Variants in FRYL observed in about 807,000 individuals in gnomAD.
FRYL encodes FRY like transcription coactivator, also known as protein furry homolog-like.
Under a neutral mutation model 351.2 loss-of-function variants are expected in FRYL, and 150 were observed. That is an observed-to-expected ratio of 0.43 (90% CI 0.37 to 0.49). The LOEUF is 0.49. Ranked by LOEUF, FRYL falls within the 20% of genes least tolerant of loss-of-function variation. FRYL has a pLI of 0.00. For synonymous variants in FRYL, 1,153 were observed against 1,257.1 expected (o/e 0.92, Z 1.75); for missense variants, 3,036 against 3,619.3 (o/e 0.84, Z 4.13).
At chr4:48,653,159 T>C (rs1270449201) in intron 3 of FRYL, among the ~76,000 whole-genome samples, 1 of 152,232 alleles carries the variant, frequency 6.6e-6, no homozygotes, top group Non-Finnish European at 1.5e-5. Flanking sequence ...TTGTATTGAC[T>C]TAACTGAACT....
intron 8 of FRYL, 24 bp from the exon 9 acceptor site, chr4:48,609,091 T>C (rs200982796): frequency 2.1e-6 from 3 of 1,409,434 alleles, no homozygotes; most frequent in East Asian, 2.3e-5. Context: ...AGAACAAACA[T>C]AACATTTCAT....
intron 62 of FRYL, 23 bp downstream of exon 62, chr4:48,501,600 G>A (rs1719677200): frequency 7.9e-7 from 1 of 1,258,906 alleles, no homozygotes; most frequent in African/African-American, 1.5e-5. Flanking sequence ...AGTTACTGAT[G>A]CCTAATACAA....
In FRYL at chr4:48,645,154, A is replaced by ATC. The variant is rs1553961678; in HGVS notation, c.-80-10666_-80-10665dup. ...TATATATATATATATATATATATAT[A>ATC]TCAGACTGGCAAATACTAAAAAGAA... On this transcript the variant is annotated intron_variant, in intron 3 of 63. Coordinates refer to ENST00000358350, the MANE Select transcript of FRYL (RefSeq NM_015030.2). Among the ~76,000 whole-genome samples, 8 of 122,934 alleles carry ATC rather than the reference A, an allele frequency of 6.5e-5. 1 individual carries two copies. The highest frequency in any genetic ancestry group is 1.8e-4 in the Admixed American group (2 of 11,338). The allele number at this position is 122,934 out of a possible 152,430, so 80.6% of individuals were successfully genotyped here. A position where few individuals can be genotyped will look rare whatever the true frequency, so the allele number is the denominator to read the frequency against.
intron 19 of FRYL, among the ~76,000 whole-genome samples, chr4:48,584,118 T>C (rs1380792303): frequency 6.6e-6 from 1 of 152,140 alleles, no homozygotes; most frequent in Non-Finnish European, 1.5e-5. Flanking sequence ...GCTACAGTAG[T>C]GGAAGCCACC....
At chr4:48,674,131 C>T (rs527338441) in intron 3 of FRYL, among the ~76,000 whole-genome samples, 55 of 152,172 alleles carry the variant, frequency 3.6e-4, no homozygotes, top group African/African-American at 1.3e-3. Context: ...GAATGAACAG[C>T]GACAATATTA....
chr4:48,543,721 G>T (rs1290976849), intron 44 of FRYL, 86 bp downstream of exon 44: 1 of 1,148,886 alleles, frequency 8.7e-7, no homozygotes, highest in Non-Finnish European at 1.2e-6. Flanking sequence ...CCATTATCTT[G>T]CTCTAGCTAT....
At chr4:48,626,151 A>G (rs1422095172) in intron 4 of FRYL, among the ~76,000 whole-genome samples, 1 of 152,164 alleles carries the variant, frequency 6.6e-6, no homozygotes, top group Non-Finnish European at 1.5e-5. Flanking sequence ...AAACATTAAA[A>G]TAACAATATA....
intron 22 of FRYL, among the ~76,000 whole-genome samples, chr4:48,580,215 T>A (rs1348296244): frequency 6.6e-6 from 1 of 152,122 alleles, no homozygotes; most frequent in Non-Finnish European, 1.5e-5. Context: ...GACCATGTAT[T>A]CTAAAATAGG....
At chr4:48,507,028 C>T (rs919520623) in intron 59 of FRYL, among the ~76,000 whole-genome samples, 5 of 152,144 alleles carry the variant, frequency 3.3e-5, no homozygotes, top group African/African-American at 1.2e-4. Context: ...GTGCATTAAT[C>T]TTTATTCATA....
chr4:48,762,364 A>T (rs1774507136), intron 1 of FRYL, among the ~76,000 whole-genome samples: 1 of 152,216 alleles, frequency 6.6e-6, no homozygotes, highest in African/African-American at 2.4e-5. Context: ...TCTTAAAAAA[A>T]TGATTGCTGG....
chr4:48,505,753 A>G, intron 59 of FRYL, 138 bp from the exon 60 acceptor site: 1 of 566,456 alleles, frequency 1.8e-6, no homozygotes, highest in Non-Finnish European at 3.1e-6. Context: ...TCTCCATTCA[A>G]GCCAAATCAA....
At chr4:48,690,447 T>C (rs1765582765) in intron 2 of FRYL, among the ~76,000 whole-genome samples, 1 of 152,176 alleles carries the variant, frequency 6.6e-6, no homozygotes, top group Non-Finnish European at 1.5e-5. Flanking sequence ...AATGATTCTC[T>C]GGACTCCCTT....
At chr4:48,775,451 G>C (rs1175385109) in intron 1 of FRYL, among the ~76,000 whole-genome samples, 1 of 152,020 alleles carries the variant, frequency 6.6e-6, no homozygotes, top group Non-Finnish European at 1.5e-5. Context: ...CAGCTGATTA[G>C]GCCGCCTGGC....
At chr4:48,588,587 T>C (rs966775549) in intron 18 of FRYL, among the ~76,000 whole-genome samples, 4 of 152,204 alleles carry the variant, frequency 2.6e-5, no homozygotes, top group African/African-American at 4.8e-5. Flanking sequence ...CCTGAACTCA[T>C]GCGTGCTTGC....
At chr4:48,501,508 G>T (rs1719651276) in intron 62 of FRYL, 115 bp downstream of exon 62, 1 of 677,222 alleles carries the variant, frequency 1.5e-6, no homozygotes, top group Non-Finnish European at 2.6e-6. Flanking sequence ...TTAACTAAAA[G>T]AAAAAAGACT....
chr4:48,625,982 T>A (rs1751719016), intron 4 of FRYL, among the ~76,000 whole-genome samples: 1 of 152,138 alleles, frequency 6.6e-6, no homozygotes, highest in Non-Finnish European at 1.5e-5. Context: ...CATTTTCATT[T>A]TCTGAGTTTT....
At chr4:48,649,554 T>A (rs1389888286) in intron 3 of FRYL, among the ~76,000 whole-genome samples, 1 of 152,254 alleles carries the variant, frequency 6.6e-6, no homozygotes, top group Non-Finnish European at 1.5e-5. Flanking sequence ...GTACTGAGTC[T>A]TGCTTTGTCT....
At chr4:48,687,759 T>C (rs1203318005) in intron 2 of FRYL, among the ~76,000 whole-genome samples, 1 of 152,176 alleles carries the variant, frequency 6.6e-6, no homozygotes, top group East Asian at 1.9e-4. Flanking sequence ...CTTTCAGAGA[T>C]GTTCAATATA....
At chr4:48,546,328 C>T in intron 41 of FRYL, 57 bp from the exon 42 acceptor site, 1 of 1,337,288 alleles carries the variant, frequency 7.5e-7, no homozygotes, top group Non-Finnish European at 1.1e-6. Context: ...CACAAAATAC[C>T]TATAGAATTA....
Sources: allele counts gnomAD v4.1 joint callset (sites outside exome capture counted in the v4.1 genomes callset), GRCh38; gene constraint gnomAD v4.1.1; transcripts MANE v1.5; gene names NCBI Gene and HGNC (gene_info 2026-07-23, HGNC 2026-07-21).